The following PKIG variants were observed in gnomAD, a reference collection of about 807,000 sequenced individuals.
PKIG encodes protein kinase (cAMP-dependent, catalytic) inhibitor gamma.
PKIG carries 1 observed loss-of-function variant against 6.8 expected under a neutral mutation model. The ratio of observed to expected loss-of-function variants is 0.15; its 90% CI spans 0.05 to 0.69. PKIG has a LOEUF of 0.69. Among genes scored for constraint, PKIG ranks in the 30% least tolerant of loss-of-function variants. PKIG has a pLI of 0.82. For synonymous variants in PKIG, 39 were observed against 43.0 expected (o/e 0.91, Z 0.36); for missense variants, 77 against 104.0 (o/e 0.74, Z 1.13).
At chr20:44,615,431 C>T (rs574542880) in intron 3 of PKIG, among the ~76,000 whole-genome samples, 5 of 152,378 alleles carry the variant, frequency 3.3e-5, no homozygotes, top group Admixed American at 3.3e-4. Context: ...TTCTGTTTGG[C>T]ACACAGCAGG....
chr20:44,614,408 C>G lies in PKIG; in HGVS notation c.-23-126C>G. On this transcript the variant is annotated intron_variant, in intron 2 of 3. Transcript: ENST00000372886. The surrounding 1 kb of genome is among the most constrained non-coding windows in gnomAD (Gnocchi z 4.6). ...TCTTTGTACTTTTCTGTGCTTTTTG[C>G]TTTGTTTTCAATAAGAGGCAATAAC... 1 of 674,924 alleles carries G rather than the reference C, an allele frequency of 1.5e-6. No homozygotes were observed. The highest frequency in any genetic ancestry group is 2.6e-5 in the East Asian group (1 of 37,886). 41.8% of individuals were successfully genotyped at this position (674,924 alleles called of 1,614,324 possible). A position where few individuals can be genotyped will look rare whatever the true frequency, so the allele number is the denominator to read the frequency against.
chr20:44,538,502 A>G (rs2064532888), intron 1 of PKIG, among the ~76,000 whole-genome samples: 1 of 152,214 alleles, frequency 6.6e-6, no homozygotes, highest in Non-Finnish European at 1.5e-5. Context: ...CACCTAATAT[A>G]CTGAGCTTTA....
At chr20:44,550,325 C>T (rs1021326596) in intron 1 of PKIG, among the ~76,000 whole-genome samples, 19 of 151,324 alleles carry the variant, frequency 1.3e-4, no homozygotes, top group African/African-American at 3.9e-4. Context: ...GTGATGATAC[C>T]GGCCATTTAG....
At chr20:44,591,998 C>A (rs1318623912) in intron 2 of PKIG, among the ~76,000 whole-genome samples, 1 of 152,180 alleles carries the variant, frequency 6.6e-6, no homozygotes, top group Non-Finnish European at 1.5e-5. Flanking sequence ...GGGGAGGGAG[C>A]AAACACTGAC....
In PKIG at chr20:44,586,109, C is replaced by T. The variant is rs561740250; in HGVS notation, c.-94+3378C>T. On this transcript the variant is annotated intron_variant, in intron 1 of 3. Coordinates refer to ENST00000372886, the MANE Select transcript of PKIG (RefSeq NM_001281445.2). ...GGTAAGAGCTCTGCTTTCACCGCCT[C>T]CTAGCTGGGAGATCCTGGACTGATC... 3.9e-5 allele frequency among the ~76,000 whole-genome samples: 6 copies of T among 152,260 alleles called. No individual in the cohort carries two copies. The South Asian group carries it at 1.0e-3, about 26-fold the overall frequency.
intron 2 of PKIG, among the ~76,000 whole-genome samples, chr20:44,607,384 T>A (rs1451164716): frequency 2.1e-5 from 3 of 143,978 alleles, no homozygotes; most frequent in African/African-American, 7.6e-5. Context: ...TATATTTTTT[T>A]TTTTTTTTTT....
At chr20:44,544,967 G>T (rs1377075444) in intron 1 of PKIG, among the ~76,000 whole-genome samples, 3 of 58,794 alleles carry the variant, frequency 5.1e-5, no homozygotes, top group Admixed American at 2.7e-4. Flanking sequence ...ATGGAATCTT[G>T]CTCTGTGGCC....
chr20:44,550,510 G>A (rs2064658302), intron 1 of PKIG, among the ~76,000 whole-genome samples: 1 of 152,076 alleles, frequency 6.6e-6, no homozygotes, highest in Admixed American at 6.6e-5. Flanking sequence ...AATGATTTCT[G>A]TGCACAGTGA....
At chr20:44,586,688 A>T (rs557021567) in intron 1 of PKIG, among the ~76,000 whole-genome samples, 11 of 152,332 alleles carry the variant, frequency 7.2e-5, no homozygotes, top group South Asian at 6.2e-4. Flanking sequence ...ACTGAGGTGG[A>T]AAATCTAAAG....
At chr20:44,557,042 G>A (rs1445058055) in intron 1 of PKIG, among the ~76,000 whole-genome samples, 1 of 152,068 alleles carries the variant, frequency 6.6e-6, no homozygotes, top group East Asian at 1.9e-4. Context: ...TAAAAAGGGG[G>A]CCATGCATCT....
At chr20:44,563,888 T>C (rs1483311183) in intron 1 of PKIG, among the ~76,000 whole-genome samples, 1 of 152,236 alleles carries the variant, frequency 6.6e-6, no homozygotes, top group African/African-American at 2.4e-5. Flanking sequence ...GCTATTTATA[T>C]TGATAGGAAA....
chr20:44,534,379 A>G (rs1346649150), intron 1 of PKIG, among the ~76,000 whole-genome samples: 2 of 152,200 alleles, frequency 1.3e-5, no homozygotes, highest in Admixed American at 1.3e-4. Context: ...AAATAAAGGT[A>G]TAAGTGTGGA....
chr20:44,591,005 A>G (rs911048804), intron 2 of PKIG, among the ~76,000 whole-genome samples: 103 of 152,306 alleles, frequency 6.8e-4, no homozygotes, highest in African/African-American at 2.4e-3. Flanking sequence ...CATCTTCTAT[A>G]AATTGGACAC....
chr20:44,578,499 C>T (rs911611920), upstream of PKIG, among the ~76,000 whole-genome samples: 5 of 151,936 alleles, frequency 3.3e-5, no homozygotes, highest in African/African-American at 7.2e-5. Context: ...GGATTACAGG[C>T]GTCAGCCACT....
chr20:44,602,076 G>A (rs1384147190), intron 2 of PKIG, among the ~76,000 whole-genome samples: 3 of 152,202 alleles, frequency 2.0e-5, no homozygotes, highest in Non-Finnish European at 4.4e-5. Context: ...TTTGTCCTGG[G>A]CATTCAAGGT....
intron 1 of PKIG, among the ~76,000 whole-genome samples, chr20:44,573,037 T>G (rs2064866914): frequency 6.6e-6 from 1 of 152,220 alleles, no homozygotes; most frequent in South Asian, 2.1e-4. Context: ...ACAGAAGTTC[T>G]TTTTTCAGGG....
chr20:44,587,198 A>G (rs925832447), intron 1 of PKIG, among the ~76,000 whole-genome samples: 4 of 152,252 alleles, frequency 2.6e-5, no homozygotes, highest in African/African-American at 9.6e-5. Flanking sequence ...CAGAGGAGTG[A>G]ATAATTTTAA....
chr20:44,577,175 T>C (rs1240969690), intron 1 of PKIG, among the ~76,000 whole-genome samples: 1 of 152,098 alleles, frequency 6.6e-6, no homozygotes, highest in Non-Finnish European at 1.5e-5. Flanking sequence ...TGTGGCATGA[T>C]CTCATCTCAC....
Position 44,604,455 on chromosome 20 carries a change from C to T in PKIG, c.-23-10079C>T, listed in dbSNP as rs79179703. Among the ~76,000 whole-genome samples, 20 of 152,162 alleles carry T rather than the reference C, an allele frequency of 1.3e-4. No homozygotes were observed. The East Asian group carries it at 2.7e-3, about 21-fold the overall frequency. ...GATGATGTCATGAGAGAGAACGAGA[C>T]GTGTAGAACAATTAGAGAAACATTA... On this transcript the variant is annotated intron_variant, in intron 2 of 3. Coordinates refer to ENST00000372886, the MANE Select transcript of PKIG (RefSeq NM_001281445.2).
Sources: gnomAD v4.1 joint callset for allele counts (sites outside exome capture counted in the v4.1 genomes callset) on GRCh38, gnomAD v4.1.1 for gene constraint, Gnocchi (gnomAD v3.1) non-coding constraint, MANE v1.5 for transcripts, NCBI Gene and HGNC (gene_info 2026-07-23, HGNC 2026-07-21) for gene names.